Variants in NTN1 observed in about 807,000 individuals in gnomAD.
The protein encoded by NTN1 is netrin 1.
A neutral mutation model predicts 54.2 loss-of-function variants in NTN1; 11 were observed. The ratio of observed to expected loss-of-function variants is 0.20; its 90% CI spans 0.13 to 0.34. NTN1 has a LOEUF of 0.34. Among genes scored for constraint, NTN1 ranks in the 10% least tolerant of loss-of-function variants. The pLI is 1.00. For synonymous variants in NTN1, 371 were observed against 382.0 expected, an observed-to-expected ratio of 0.97 and a Z score of 0.33; for missense variants, 740 against 893.1, an observed-to-expected ratio of 0.83 and a Z score of 2.18.
chr17:9,116,649 C>T lies in NTN1; in HGVS notation c.1019-46164C>T, dbSNP rs577710531. ...GCCCAGAAAACACTGCCATCCATCA[C>T]GTTCTCATTGTCACCTAGGAAGGCC... On this transcript the variant is annotated intron_variant, in intron 2 of 6. Transcript: ENST00000173229. Among the ~76,000 whole-genome samples the T allele has an allele frequency of 2.4e-3, 366 of 152,304 alleles. 2 individuals are homozygous for T. The highest frequency in any genetic ancestry group is 2.6e-3 in the Non-Finnish European group (178 of 68,034).
intron 2 of NTN1, among the ~76,000 whole-genome samples, chr17:9,106,916 T>C (rs1204438001): frequency 6.6e-6 from 1 of 152,190 alleles, no homozygotes; most frequent in Non-Finnish European, 1.5e-5. Flanking sequence ...CTGGGATCCA[T>C]ACCCCGTGCT....
At chr17:9,188,338 G>A (rs1162851124) in intron 5 of NTN1, among the ~76,000 whole-genome samples, 4 of 151,168 alleles carry the variant, frequency 2.6e-5, no homozygotes, top group African/African-American at 7.3e-5. Context: ...TGAGGCAGGA[G>A]AATTGCTTGA....
chr17:9,215,195 T>G (rs1905189125), intron 5 of NTN1, among the ~76,000 whole-genome samples: 1 of 151,916 alleles, frequency 6.6e-6, no homozygotes. Context: ...GTTTTTAATA[T>G]GATCTGAAGT....
At chr17:9,041,742 C>T (rs2091922182) in intron 2 of NTN1, among the ~76,000 whole-genome samples, 1 of 152,102 alleles carries the variant, frequency 6.6e-6, no homozygotes, top group South Asian at 2.1e-4. Flanking sequence ...GGTGCGGTGG[C>T]TCATGCCTGT....
chr17:9,131,353 C>G (rs542561947), intron 2 of NTN1, among the ~76,000 whole-genome samples: 7 of 152,168 alleles, frequency 4.6e-5, no homozygotes, highest in Non-Finnish European at 7.3e-5. Context: ...TCTTCAATCA[C>G]GAGAAACAGG....
At chr17:9,082,064 G>A (rs945026161) in intron 2 of NTN1, among the ~76,000 whole-genome samples, 1 of 152,000 alleles carries the variant, frequency 6.6e-6, no homozygotes, top group African/African-American at 2.4e-5. Flanking sequence ...TTGTTTTTTT[G>A]TTTGTTTGTT....
chr17:9,184,304 C>T (rs145259791), intron 5 of NTN1, among the ~76,000 whole-genome samples: 2 of 152,246 alleles, frequency 1.3e-5, no homozygotes, highest in Non-Finnish European at 2.9e-5. Context: ...TTTGGTTGAG[C>T]CCCATGCAGG....
rs892243677 is a variant in NTN1, at chr17:9,234,809, C to T, written c.1487-4831C>T. The stretch of plus-strand genomic sequence containing the variant: ...GCAGGCGGAGGCCAGGCTCCCCTCC[C>T]CAGGCAGGGTTGAGGGGCTCTGCTA... On this transcript the variant is annotated intron_variant, in intron 6 of 6. Transcript: ENST00000173229. Among the ~76,000 whole-genome samples, 4 of 152,332 alleles carry T rather than the reference C, an allele frequency of 2.6e-5. No homozygotes were observed. The East Asian group carries it at 7.7e-4, about 29-fold the overall frequency.
At chr17:9,075,696 C>T (rs2092047095) in intron 2 of NTN1, among the ~76,000 whole-genome samples, 1 of 152,150 alleles carries the variant, frequency 6.6e-6, no homozygotes, top group South Asian at 2.1e-4. Flanking sequence ...CCCTCAGGGA[C>T]TTCAGTCCTA....
At chr17:9,093,049 C>T (rs369522201) in intron 2 of NTN1, among the ~76,000 whole-genome samples, 4 of 152,150 alleles carry the variant, frequency 2.6e-5, no homozygotes, top group East Asian at 1.9e-4. Flanking sequence ...TGAGCCACTG[C>T]GCCCAGCCAA....
chr17:9,057,415 T>C (rs999090902), intron 2 of NTN1, among the ~76,000 whole-genome samples: 1 of 152,148 alleles, frequency 6.6e-6, no homozygotes, highest in Non-Finnish European at 1.5e-5. Flanking sequence ...TGTTTCCTAG[T>C]GATTGCCCGG....
At chr17:9,098,932 C>A (rs1349148213) in intron 2 of NTN1, among the ~76,000 whole-genome samples, 3 of 152,182 alleles carry the variant, frequency 2.0e-5, no homozygotes, top group Non-Finnish European at 4.4e-5. Flanking sequence ...TTCTAGGGAA[C>A]ACACTGGTAA....
chr17:9,093,527 G>T (rs573924824), intron 2 of NTN1, among the ~76,000 whole-genome samples: 3 of 152,218 alleles, frequency 2.0e-5, no homozygotes, highest in African/African-American at 7.2e-5. Context: ...CACACTTGGC[G>T]AATTTTCTTA....
intron 2 of NTN1, among the ~76,000 whole-genome samples, chr17:9,052,182 G>A (rs1247423055): frequency 6.6e-6 from 1 of 152,028 alleles, no homozygotes; most frequent in Non-Finnish European, 1.5e-5. Context: ...TGTTGGTCAG[G>A]CTGGTCCCGA....
chr17:9,196,504 C>T (rs1012280203), intron 5 of NTN1, among the ~76,000 whole-genome samples: 1 of 152,254 alleles, frequency 6.6e-6, no homozygotes, highest in Non-Finnish European at 1.5e-5. Flanking sequence ...CAGCTCTCTC[C>T]CTCTGCTCCT....
intron 6 of NTN1, among the ~76,000 whole-genome samples, chr17:9,223,868 C>T (rs927097029): frequency 6.6e-6 from 1 of 152,134 alleles, no homozygotes; most frequent in African/African-American, 2.4e-5. Context: ...TGCACAAGGC[C>T]TAGGGGTAAC....
At chr17:9,199,043 C>A (rs950099150) in intron 5 of NTN1, among the ~76,000 whole-genome samples, 3 of 152,362 alleles carry the variant, frequency 2.0e-5, no homozygotes, top group African/African-American at 7.2e-5. Flanking sequence ...AATTCAAACT[C>A]TTTCTCTACT....
At chr17:9,202,029 TACACACACAC>T (rs1200661283) in intron 5 of NTN1, among the ~76,000 whole-genome samples, 4 of 26,818 alleles carry the variant, frequency 1.5e-4, no homozygotes, top group South Asian at 2.4e-3. Flanking sequence ...CTACTAAAAA[TACACACACAC>T]ACACACACAC....
chr17:9,147,366 T>C (rs2092316705), intron 2 of NTN1, among the ~76,000 whole-genome samples: 1 of 152,116 alleles, frequency 6.6e-6, no homozygotes, highest in South Asian at 2.1e-4. Context: ...AATGAATAAA[T>C]TAGCCGGGCA....
Sources: gnomAD v4.1 joint callset for allele counts (sites outside exome capture counted in the v4.1 genomes callset) on GRCh38, gnomAD v4.1.1 for gene constraint, MANE v1.5 for transcripts, NCBI Gene and HGNC (gene_info 2026-07-23, HGNC 2026-07-21) for gene names.